SLC44A5: variants seen among roughly 807,000 people sequenced by gnomAD.
SLC44A5 encodes the protein choline transporter-like protein 5.
In SLC44A5, 57 loss-of-function variants were observed where a neutral mutation model predicts 101.8. The observed-to-expected ratio is 0.56, with a 90% CI of 0.45 to 0.70. The LOEUF is 0.70. Among genes scored for constraint, SLC44A5 ranks in the 30% least tolerant of loss-of-function variants. The pLI, the probability that SLC44A5 is intolerant of heterozygous loss-of-function variation, is 0.00. For synonymous variants in SLC44A5, 281 were observed against 290.9 expected (o/e 0.97, Z 0.35); for missense variants, 737 against 853.1 (o/e 0.86, Z 1.70).
At chr1:75,500,463 C>G (rs951872329) in intron 2 of SLC44A5, among the ~76,000 whole-genome samples, 4 of 145,888 alleles carry the variant, frequency 2.7e-5, no homozygotes, top group African/African-American at 1.0e-4. Flanking sequence ...CCAGTACACC[C>G]TTGGAAGCCA....
the SLC44A5 span, among the ~76,000 whole-genome samples, chr1:75,697,983 A>C: frequency 6.6e-6 from 1 of 152,210 alleles, no homozygotes; most frequent in Non-Finnish European, 1.5e-5. Context: ...TATATCCTGC[A>C]CATGGCTTGG....
the SLC44A5 span, among the ~76,000 whole-genome samples, chr1:75,712,713 A>AAAAAAAGAAAAAAAAAAAAAAAAAAAAAC: frequency 4.5e-5 from 5 of 110,638 alleles, no homozygotes; most frequent in East Asian, 2.4e-4. Context: ...AAAAAAAAAA[A>AAAAAAAGAAAAAAAAAAAAAAAAAAAAAC]ATGGAAAAGA....
At chr1:75,610,162 CACACACACACACAT>C (rs1041513525) in intron 1 of SLC44A5, among the ~76,000 whole-genome samples, 2 of 145,390 alleles carry the variant, frequency 1.4e-5, no homozygotes, top group Non-Finnish European at 3.0e-5. Context: ...CACACACACA[CACACACACACACAT>C]AGTGAAGTCT....
intron 6 of SLC44A5, among the ~76,000 whole-genome samples, chr1:75,263,303 A>G (rs1478775718): frequency 6.6e-6 from 1 of 152,234 alleles, no homozygotes; most frequent in Non-Finnish European, 1.5e-5. Flanking sequence ...AAACAACACC[A>G]TCAAAAAGTG....
chr1:75,704,856 C>T, the SLC44A5 span, among the ~76,000 whole-genome samples: 2 of 152,248 alleles, frequency 1.3e-5, no homozygotes, highest in East Asian at 3.9e-4. Context: ...CACTAAACAA[C>T]AGAATTAACA....
chr1:75,646,626 C>A, the SLC44A5 span, among the ~76,000 whole-genome samples: 4 of 152,176 alleles, frequency 2.6e-5, no homozygotes, highest in African/African-American at 7.2e-5. Flanking sequence ...GTGGTCCCTG[C>A]ATGCTCTTCT....
the SLC44A5 span, among the ~76,000 whole-genome samples, chr1:75,633,328 G>A: frequency 3.3e-5 from 5 of 152,050 alleles, no homozygotes; most frequent in South Asian, 2.1e-4. Flanking sequence ...CCATTTTCAC[G>A]ACATTGATTC....
chr1:75,384,915 A>G (rs1229910859), intron 3 of SLC44A5, among the ~76,000 whole-genome samples: 6 of 151,010 alleles, frequency 4.0e-5, no homozygotes, highest in African/African-American at 1.2e-4. Context: ...ACTCAAAACC[A>G]CTCAACTACA....
intron 1 of SLC44A5, among the ~76,000 whole-genome samples, chr1:75,553,489 A>T (rs1010222328): frequency 6.6e-6 from 1 of 152,220 alleles, no homozygotes; most frequent in African/African-American, 2.4e-5. Context: ...ATTACAATAC[A>T]TCATCATTCA....
intron 2 of SLC44A5, among the ~76,000 whole-genome samples, chr1:75,494,587 C>T (rs1181748776): frequency 6.6e-6 from 1 of 152,104 alleles, no homozygotes; most frequent in Non-Finnish European, 1.5e-5. Context: ...CAACTTCTCC[C>T]TAGGAGTTGG....
At chr1:75,240,738 C>G (rs1648551251) in intron 9 of SLC44A5, among the ~76,000 whole-genome samples, 1 of 151,934 alleles carries the variant, frequency 6.6e-6, no homozygotes, top group Non-Finnish European at 1.5e-5. Context: ...ACTGTCTACT[C>G]AAACTAATGA....
chr1:75,465,186 T>C (rs1666746791), intron 2 of SLC44A5, among the ~76,000 whole-genome samples: 1 of 152,158 alleles, frequency 6.6e-6, no homozygotes, highest in African/African-American at 2.4e-5. Context: ...ATATCAGTCA[T>C]CTTCTCTGTA....
At chr1:75,582,363 G>A in intron 1 of SLC44A5, 3 of 1,026,750 alleles carry the variant, frequency 2.9e-6, no homozygotes, top group Non-Finnish European at 4.4e-6. Context: ...AAGGGTGTCA[G>A]CCACAAGCTC....
At chr1:75,588,005 C>A (rs1255541398) in intron 1 of SLC44A5, among the ~76,000 whole-genome samples, 1 of 152,040 alleles carries the variant, frequency 6.6e-6, no homozygotes, top group Non-Finnish European at 1.5e-5. Context: ...TGTGAGAAAC[C>A]AGAAGGCAAA....
intron 2 of SLC44A5, among the ~76,000 whole-genome samples, chr1:75,424,596 A>G (rs1664199924): frequency 6.6e-6 from 1 of 152,216 alleles, no homozygotes; most frequent in Non-Finnish European, 1.5e-5. Flanking sequence ...ATACATTATC[A>G]TAACTTCTAA....
At chr1:75,272,119 A>C (rs1651529471) in intron 6 of SLC44A5, among the ~76,000 whole-genome samples, 1 of 152,068 alleles carries the variant, frequency 6.6e-6, no homozygotes, top group Non-Finnish European at 1.5e-5. Context: ...TCTTCTGTTG[A>C]GAAATGTCTA....
At chr1:75,401,125 C>A (rs1025046488) in intron 2 of SLC44A5, among the ~76,000 whole-genome samples, 2 of 152,186 alleles carry the variant, frequency 1.3e-5, no homozygotes, top group Non-Finnish European at 2.9e-5. Flanking sequence ...GCCAAGTCTG[C>A]ATCATTTGAG....
the SLC44A5 span, among the ~76,000 whole-genome samples, chr1:75,680,525 G>A: frequency 8.7e-5 from 13 of 149,484 alleles, no homozygotes; most frequent in South Asian, 1.7e-3. Flanking sequence ...GGTACATAAT[G>A]AAATGAAGGC....
chr1:75,510,768 T>C (rs1414969864), intron 2 of SLC44A5, among the ~76,000 whole-genome samples: 1 of 152,178 alleles, frequency 6.6e-6, no homozygotes, highest in East Asian at 1.9e-4. Flanking sequence ...AAAGTCCCTG[T>C]TTGAGAAGTT....
Sources: allele counts gnomAD v4.1 joint callset (sites outside exome capture counted in the v4.1 genomes callset), GRCh38; gene constraint gnomAD v4.1.1; transcripts MANE v1.5; gene names NCBI Gene and HGNC (gene_info 2026-07-23, HGNC 2026-07-21).